The following CPAP variants were observed in gnomAD, a reference collection of about 807,000 sequenced individuals.
CPAP encodes the protein centrosomal P4.1-associated protein.
At chr13:24,882,416 T>A in the CPAP span, 1 of 152,064 alleles carries the variant, frequency 6.6e-6, no homozygotes, top group South Asian at 2.1e-4. Context: ...TATATAAATT[T>A]ACAAGTAAGT....
chr13:24,930,487 A>C, the CPAP span, among the ~76,000 whole-genome samples: 1 of 151,984 alleles, frequency 6.6e-6, no homozygotes, highest in Non-Finnish European at 1.5e-5. Flanking sequence ...AGTAGTCCCC[A>C]GTGTCTATTG....
chr13:24,925,003 TG>T, the CPAP span: 1 of 152,122 alleles, frequency 6.6e-6, no homozygotes, highest in Non-Finnish European at 1.5e-5. Flanking sequence ...GAACAGGAGG[TG>T]TTTTCATCTT....
At chr13:24,903,751 T>C in the CPAP span, among the ~76,000 whole-genome samples, 1 of 152,222 alleles carries the variant, frequency 6.6e-6, no homozygotes. Context: ...GTACACATCA[T>C]TGACTACCCT....
chr13:24,913,176 T>C, the CPAP span: 2 of 647,396 alleles, frequency 3.1e-6, no homozygotes, highest in South Asian at 3.8e-5. Flanking sequence ...CAACCCAGCA[T>C]AAAAATGTCC....
chr13:24,913,826 T>C, the CPAP span, among the ~76,000 whole-genome samples: 1 of 152,270 alleles, frequency 6.6e-6, no homozygotes, highest in East Asian at 1.9e-4. Flanking sequence ...CATAACTCTG[T>C]ATGAATTATC....
the CPAP span, among the ~76,000 whole-genome samples, chr13:24,883,761 T>C: frequency 6.6e-6 from 1 of 152,198 alleles, no homozygotes; most frequent in African/African-American, 2.4e-5. Flanking sequence ...AAAATCTGTT[T>C]TGAAAGAATG....
the CPAP span, among the ~76,000 whole-genome samples, chr13:24,917,532 T>C: frequency 7.6e-3 from 1,162 of 152,272 alleles, 18 homozygotes; most frequent in African/African-American, 0.027. Context: ...ACCCCCCAGA[T>C]TGCAAAGAAA....
the CPAP span, chr13:24,906,456 G>A: frequency 1.9e-6 from 3 of 1,614,100 alleles, no homozygotes; most frequent in African/African-American, 4.0e-5. Context: ...CCTGTTGAAA[G>A]AGGAAGTCTG....
At chr13:24,898,391 T>G in the CPAP span, among the ~76,000 whole-genome samples, 1 of 152,276 alleles carries the variant, frequency 6.6e-6, no homozygotes, top group South Asian at 2.1e-4. Context: ...CTTGCTACTT[T>G]TATGTATTTT....
At chr13:24,890,343 T>C in the CPAP span, among the ~76,000 whole-genome samples, 1 of 152,152 alleles carries the variant, frequency 6.6e-6, no homozygotes, top group African/African-American at 2.4e-5. Flanking sequence ...GGGAGAAGAA[T>C]GCTACTTTCT....
chr13:24,926,453 A>C, the CPAP span, among the ~76,000 whole-genome samples: 2 of 152,156 alleles, frequency 1.3e-5, no homozygotes, highest in Admixed American at 6.5e-5. Flanking sequence ...GAAATCTTAA[A>C]TAACATCATG....
At chr13:24,889,968 C>G in the CPAP span, among the ~76,000 whole-genome samples, 1 of 152,266 alleles carries the variant, frequency 6.6e-6, no homozygotes, top group East Asian at 1.9e-4. Context: ...CAGCTCCACA[C>G]CCCAATGGTC....
chr13:24,886,682 TA>T, the CPAP span, among the ~76,000 whole-genome samples: 2 of 152,178 alleles, frequency 1.3e-5, no homozygotes, highest in Non-Finnish European at 2.9e-5. Flanking sequence ...CCCCACAGGT[TA>T]TGTGTGCAAA....
chr13:24,907,568 G>A, the CPAP span, among the ~76,000 whole-genome samples: 2 of 149,686 alleles, frequency 1.3e-5, no homozygotes, highest in African/African-American at 4.8e-5. Context: ...AAGTCATTTT[G>A]TCCATATTAT....
chr13:24,932,591 T>C, the CPAP span, among the ~76,000 whole-genome samples: 1 of 152,370 alleles, frequency 6.6e-6, no homozygotes, highest in South Asian at 2.1e-4. Context: ...CCAGAATGTC[T>C]TAACAGAAAC....
chr13:24,909,220 C>T, the CPAP span, among the ~76,000 whole-genome samples: 1 of 152,046 alleles, frequency 6.6e-6, no homozygotes, highest in Non-Finnish European at 1.5e-5. Context: ...GATGAATTAA[C>T]TCTAAATTAG....
chr13:24,922,870 C>A, the CPAP span: 1 of 152,748 alleles, frequency 6.5e-6, no homozygotes, highest in Admixed American at 6.5e-5. Flanking sequence ...CCGCCCCCGT[C>A]CCGAGGTCCT....
chr13:24,915,456 G>T, the CPAP span, among the ~76,000 whole-genome samples: 4 of 152,296 alleles, frequency 2.6e-5, no homozygotes, highest in South Asian at 8.3e-4. Context: ...CATAAAGATG[G>T]TATTTAAAGC....
At chr13:24,885,925 A>G in the CPAP span, 1 of 504,916 alleles carries the variant, frequency 2.0e-6, no homozygotes, top group African/African-American at 1.9e-5. Flanking sequence ...ACAGCCTGAC[A>G]GACCCAAATG....
Sources: gnomAD v4.1 joint callset for allele counts (sites outside exome capture counted in the v4.1 genomes callset) on GRCh38, gnomAD v4.1.1 for gene constraint, MANE v1.5 for transcripts, NCBI Gene and HGNC (gene_info 2026-07-23, HGNC 2026-07-21) for gene names.